Variants in KMT2A observed in about 807,000 individuals in gnomAD.
The protein encoded by KMT2A is histone-lysine N-methyltransferase 2A.
KMT2A carries 16 observed loss-of-function variants against 345.3 expected under a neutral mutation model. The observed-to-expected ratio is 0.05, with a 90% confidence interval of 0.03 to 0.07. The LOEUF is 0.07. KMT2A is among the 10% of genes least tolerant of loss of function. The pLI is 1.00. For synonymous variants in KMT2A, 1,599 were observed against 1,778.6 expected, an observed-to-expected ratio of 0.90 and a Z score of 2.54; for missense variants, 3,272 against 4,841.6, an observed-to-expected ratio of 0.68 and a Z score of 9.62.
At chr11:118,513,378 T>TA (rs1950731531) in intron 31 of KMT2A, among the ~76,000 whole-genome samples, 1 of 152,142 alleles carries the variant, frequency 6.6e-6, no homozygotes, top group African/African-American at 2.4e-5. Context: ...AATGGGTACT[T>TA]ACAGGAATTT....
chr11:118,436,585 C>T lies in KMT2A; in HGVS notation c.73C>T (p.Arg25Trp). The T allele has an allele frequency of 8.5e-7, 1 of 1,180,426 alleles. No individual in the cohort carries two copies. Among genetic ancestry groups the T allele is most frequent in the Non-Finnish European group, 1.1e-6 (1 of 946,740 alleles). The allele number at this position is 1,180,426 out of a possible 1,614,324, so 73.1% of individuals were successfully genotyped here. Residue 25 changes from arginine (R) to tryptophan (W), a missense_variant, in exon 1 of 36, where the codon CGG becomes TGG. Around this residue, in one of 27 missense-constraint regions of KMT2A, gnomAD observed 412 missense variants for 511.0 expected, o/e 0.81. Transcript: ENST00000534358. The surrounding 1 kb of genome is among the most constrained non-coding windows in gnomAD (Gnocchi z 6.9). The stretch of plus-strand genomic sequence containing the variant: ...CGGGGGCGGCGGCGGCGGGGGGCGC[C>T]GGGGCCTAGGGGGCGCCCCGCGGCA... ...TTGGGGGGGR[R>W]GLGGAPRQRV... is the part of the protein sequence containing the mutation.
intron 6 of KMT2A, among the ~76,000 whole-genome samples, chr11:118,481,136 TTATTGTTGAC>T (rs1950124249): frequency 6.6e-6 from 1 of 152,186 alleles, no homozygotes; most frequent in African/African-American, 2.4e-5. Flanking sequence ...GTACAGTAAA[TTATTGTTGAC>T]TGTAATCACC....
chr11:118,517,406 A>AG (rs1313235627), intron 31 of KMT2A, among the ~76,000 whole-genome samples: 1 of 151,368 alleles, frequency 6.6e-6, no homozygotes, highest in Non-Finnish European at 1.5e-5. Context: ...AAAAAAAAAA[A>AG]AAAAAAGAAA....
rs1367097224 is a variant in KMT2A, at chr11:118,524,573, C to G, written c.*2401C>G. On this transcript the variant is annotated 3_prime_UTR_variant, in exon 36 of 36. Coordinates refer to ENST00000534358, the MANE Select transcript of KMT2A (RefSeq NM_001197104.2). The stretch of plus-strand genomic sequence containing the variant: ...AGGGGACTGGGAAAAGCACTCTACC[C>G]AGACCTCACCTCCCTTCCTCCTTTT... The G allele has an allele frequency of 5.5e-6, 1 of 182,096 alleles. No homozygotes were observed. Among genetic ancestry groups the G allele is most frequent in the Non-Finnish European group, 1.2e-5 (1 of 85,170 alleles). The allele number at this position is 182,096 out of a possible 1,614,324, so 11.3% of individuals were successfully genotyped here.
intron 31 of KMT2A, among the ~76,000 whole-genome samples, chr11:118,513,171 G>A (rs189184291): frequency 6.6e-6 from 1 of 152,102 alleles, no homozygotes; most frequent in Admixed American, 6.6e-5. Flanking sequence ...TGGAGCCTAG[G>A]AGTATGAGAC....
At chr11:118,474,414 A>T (rs1949997349) in intron 3 of KMT2A, 99 bp downstream of exon 3, 2 of 1,419,282 alleles carry the variant, frequency 1.4e-6, no homozygotes, top group South Asian at 2.9e-5. Context: ...CAGTTATGAG[A>T]ACCAAGAAAA....
chr11:118,486,349 A>G (rs1471542933), intron 10 of KMT2A, among the ~76,000 whole-genome samples: 12 of 147,354 alleles, frequency 8.1e-5, no homozygotes, highest in South Asian at 4.2e-4. Flanking sequence ...TGGTTGGATT[A>G]TGGGTGACCT....
chr11:118,514,453 T>C (rs1191982066), intron 31 of KMT2A, among the ~76,000 whole-genome samples: 2 of 151,580 alleles, frequency 1.3e-5, no homozygotes, highest in African/African-American at 2.4e-5. Flanking sequence ...TTTTTTTTTT[T>C]TCTCCAAGAC....
Position 118,504,108 on chromosome 11 carries a change from A to G in KMT2A, c.8216A>G (p.Lys2739Arg). The G allele has an allele frequency of 4.3e-6, 7 of 1,614,230 alleles. No individual in the cohort carries two copies. The highest frequency in any genetic ancestry group is 5.9e-6 in the Non-Finnish European group (7 of 1,180,036). ...SDTSVTATTR[K>R]SSQIPKRNGK... ...ACTAGTGTCACAGCCACAACAAGGAAAAGCAGCCAGATTCCAAAAAGAAAT... is the reference window on the plus strand; with the variant it reads ...ACTAGTGTCACAGCCACAACAAGGAGAAGCAGCCAGATTCCAAAAAGAAAT... The change falls in exon 27 of 36, where the codon AAA (lysine) becomes AGA (arginine). Residue 2739 changes from lysine to arginine, a missense_variant. Physicochemically the swap from Lys to Arg is conservative, Grantham distance 26. This residue lies in a region of KMT2A where 9 missense variants were observed against 27.7 expected (regional missense o/e 0.32). Coordinates refer to ENST00000534358, the MANE Select transcript of KMT2A (RefSeq NM_001197104.2). The surrounding 1 kb of genome is among the most constrained non-coding windows in gnomAD (Gnocchi z 6.4).
At chr11:118,459,832 G>A (rs549070729) in intron 1 of KMT2A, among the ~76,000 whole-genome samples, 11 of 148,596 alleles carry the variant, frequency 7.4e-5, no homozygotes, top group South Asian at 2.2e-4. Context: ...GATTACAGGC[G>A]GGCACTACCA....
At chr11:118,499,006 T>C (rs1406078095) in intron 22 of KMT2A, among the ~76,000 whole-genome samples, 3 of 152,240 alleles carry the variant, frequency 2.0e-5, no homozygotes, top group Non-Finnish European at 2.9e-5. Context: ...ACTGGCTTCT[T>C]CTGCATAGCA....
intron 24 of KMT2A, 152 bp downstream of exon 24, chr11:118,500,065 G>A (rs1443387569): frequency 1.7e-6 from 1 of 582,618 alleles, no homozygotes. Context: ...GGATTCGTCT[G>A]CTTGTAGATT....
Position 118,520,507 on chromosome 11 carries a change from C to T in KMT2A, c.11430-295C>T. ...CTCTACTAAAAATACAAAAATTAGC[C>T]CGGCGTGGTGGCGCGCGCCTGTAGT... On this transcript the variant is annotated intron_variant, in intron 33 of 35. Transcript: ENST00000534358. This position sits in a 1 kb window ranked among gnomAD's most constrained non-coding sequence, Gnocchi z 4.3. The T allele has an allele frequency of 2.7e-6, 1 of 377,326 alleles. No individual in the cohort carries two copies. The highest frequency in any genetic ancestry group is 4.8e-6 in the Non-Finnish European group (1 of 207,038). The allele number at this position is 377,326 out of a possible 1,614,324, so 23.4% of individuals were successfully genotyped here.
At chr11:118,507,316 A>C (rs987542879) in intron 27 of KMT2A, among the ~76,000 whole-genome samples, 1 of 152,146 alleles carries the variant, frequency 6.6e-6, no homozygotes, top group Admixed American at 6.5e-5. Context: ...CAAGATACAG[A>C]ACATTTCTAG....
intron 31 of KMT2A, chr11:118,512,298 C>T (rs781795821): frequency 6.7e-5 from 31 of 464,220 alleles, no homozygotes; most frequent in Non-Finnish European, 1.1e-4. Context: ...AGCAGTCATT[C>T]CTCAGCCCCT....
intron 5 of KMT2A, among the ~76,000 whole-genome samples, 199 bp from the exon 6 acceptor site, chr11:118,479,975 A>G (rs1555038758): frequency 6.6e-6 from 1 of 152,210 alleles, no homozygotes; most frequent in Admixed American, 6.5e-5. Context: ...CTCCTTTTAG[A>G]TCCTAAAGGT....
intron 1 of KMT2A, among the ~76,000 whole-genome samples, chr11:118,440,932 T>C (rs782411879): frequency 6.6e-6 from 1 of 151,774 alleles, no homozygotes; most frequent in African/African-American, 2.4e-5. Context: ...AGCCTCCGAG[T>C]AGAAGTCAGT....
chr11:118,462,831 G>A (rs147768466), intron 1 of KMT2A, among the ~76,000 whole-genome samples: 2,007 of 152,204 alleles, frequency 0.013, 54 homozygotes, highest in African/African-American at 0.046. Flanking sequence ...TAAAGTCCTG[G>A]GATTACAGGC....
At chr11:118,444,089 A>G (rs1555026561) in intron 1 of KMT2A, among the ~76,000 whole-genome samples, 1 of 152,156 alleles carries the variant, frequency 6.6e-6, no homozygotes, top group East Asian at 1.9e-4. Context: ...TAGGAGAGTG[A>G]TATTACTTGT....
Sources: gnomAD v4.1 joint callset for allele counts (sites outside exome capture counted in the v4.1 genomes callset) on GRCh38, gnomAD v4.1.1 for gene constraint, gnomAD v4.1.1 regional missense constraint, Gnocchi (gnomAD v3.1) non-coding constraint, MANE v1.5 for transcripts, NCBI Gene and HGNC (gene_info 2026-07-23, HGNC 2026-07-21) for gene names.